Variants in SIRPG observed in about 807,000 individuals in gnomAD.
SIRPG encodes the protein signal-regulatory protein gamma.
SIRPG carries 38 observed loss-of-function variants against 35.7 expected under a neutral mutation model. The observed-to-expected ratio is 1.06, with a 90% CI of 0.82 to 1.40. The LOEUF (loss-of-function observed/expected upper bound fraction) is 1.40, where lower values mean the gene tolerates loss of function less well. SIRPG is among the 40% of genes most tolerant of loss of function. The pLI, the probability that SIRPG is intolerant of heterozygous loss-of-function variation, is 0.00. For missense variants in SIRPG, 519 were observed against 483.0 expected (o/e 1.07, Z -0.70); for synonymous variants, 215 against 190.4 (o/e 1.13, Z -1.06).
chr20:1,636,551 A>G, intron 2 of SIRPG, 46 bp from the exon 3 acceptor site: 1 of 1,584,830 alleles, frequency 6.3e-7, no homozygotes. Flanking sequence ...TGAGATGACA[A>G]TCACTAACGA....
chr20:1,631,695 G>A (rs2091751792), intron 4 of SIRPG, among the ~76,000 whole-genome samples: 1 of 152,202 alleles, frequency 6.6e-6, no homozygotes, highest in African/African-American at 2.4e-5. Context: ...GGACCTCAGG[G>A]CTGGCAGTGA....
chr20:1,668,165 CTTTTCT>C, the SIRPG span, among the ~76,000 whole-genome samples: 12 of 102,278 alleles, frequency 1.2e-4, no homozygotes, highest in South Asian at 4.6e-4. Context: ...CTTTTCTTTT[CTTTTCT>C]TTTCTTTCTT....
chr20:1,684,592 C>T, the SIRPG span, among the ~76,000 whole-genome samples: 188 of 152,312 alleles, frequency 1.2e-3, no homozygotes, highest in Non-Finnish European at 2.3e-3. Flanking sequence ...TATACACCAG[C>T]GTTTTAACTC....
upstream of SIRPG, among the ~76,000 whole-genome samples, chr20:1,660,997 T>G (rs1038383759): frequency 6.6e-6 from 1 of 152,238 alleles, no homozygotes; most frequent in African/African-American, 2.4e-5. Flanking sequence ...ACCATCTTCA[T>G]AAGTTTGTGA....
At chr20:1,668,249 T>TTCTTTCTTTCTTTCTTTC in the SIRPG span, among the ~76,000 whole-genome samples, 1 of 90,162 alleles carries the variant, frequency 1.1e-5, no homozygotes, top group Non-Finnish European at 2.6e-5. Context: ...CTTTCTTTCT[T>TTCTTTCTTTCTTTCTTTC]TTTCTTTTTC....
chr20:1,650,204 C>A (rs1379863619), intron 1 of SIRPG, among the ~76,000 whole-genome samples: 1 of 151,740 alleles, frequency 6.6e-6, no homozygotes, highest in Non-Finnish European at 1.5e-5. Context: ...TTGCTTGCAT[C>A]CTTACATGTC....
chr20:1,666,009 C>T, the SIRPG span, among the ~76,000 whole-genome samples: 1 of 152,022 alleles, frequency 6.6e-6, no homozygotes, highest in Non-Finnish European at 1.5e-5. Context: ...CCCCTGAAGG[C>T]CTTCCAGTGG....
chr20:1,639,341 T>G (rs566578386), intron 2 of SIRPG, among the ~76,000 whole-genome samples: 6 of 152,182 alleles, frequency 3.9e-5, no homozygotes, highest in Admixed American at 2.0e-4. Flanking sequence ...TATCTCATTG[T>G]GGTTTTGATT....
chr20:1,661,998 G>A (rs2091997247), upstream of SIRPG, among the ~76,000 whole-genome samples: 1 of 152,320 alleles, frequency 6.6e-6, no homozygotes, highest in South Asian at 2.1e-4. Flanking sequence ...AGGGCTTGTG[G>A]CTGTAGCAGC....
the SIRPG span, among the ~76,000 whole-genome samples, chr20:1,663,259 G>A: frequency 2.0e-5 from 3 of 152,186 alleles, no homozygotes; most frequent in African/African-American, 7.2e-5. Context: ...CTTGCAGTCA[G>A]CCGAGATCGT....
At chr20:1,649,799 G>C (rs2091927021) in intron 1 of SIRPG, among the ~76,000 whole-genome samples, 2 of 149,716 alleles carry the variant, frequency 1.3e-5, no homozygotes, top group African/African-American at 2.5e-5. Flanking sequence ...ACCATGCCAG[G>C]TTAAGCTTTG....
At chr20:1,671,268 G>T in the SIRPG span, 1 of 188,832 alleles carries the variant, frequency 5.3e-6, no homozygotes, top group Non-Finnish European at 1.2e-5. Context: ...TGTGTGACAT[G>T]TTAAGAACCT....
chr20:1,643,766 T>A (rs2091874928), intron 2 of SIRPG, among the ~76,000 whole-genome samples: 1 of 152,320 alleles, frequency 6.6e-6, no homozygotes, highest in Non-Finnish European at 1.5e-5. Flanking sequence ...GTGGGGACTT[T>A]TTTTGTTGAT....
At chr20:1,654,901 A>G (rs2122576621) in intron 1 of SIRPG, among the ~76,000 whole-genome samples, 2 of 152,342 alleles carry the variant, frequency 1.3e-5, no homozygotes, top group South Asian at 4.1e-4. Context: ...AGAAGAAGAC[A>G]TTAAGATGGC....
the SIRPG span, among the ~76,000 whole-genome samples, chr20:1,675,789 C>T: frequency 3.9e-5 from 6 of 152,278 alleles, no homozygotes; most frequent in East Asian, 1.2e-3. Flanking sequence ...ATTTTATTTT[C>T]ACAATGAAAA....
chr20:1,655,918 A>ATATATATGTG (rs2091972563), intron 1 of SIRPG, among the ~76,000 whole-genome samples: 1 of 152,198 alleles, frequency 6.6e-6, no homozygotes, highest in African/African-American at 2.4e-5. Flanking sequence ...GCACATGTGC[A>ATATATATGTG]TATATATGTG....
intron 1 of SIRPG, among the ~76,000 whole-genome samples, chr20:1,654,511 G>T (rs918432750): frequency 9.2e-5 from 14 of 152,086 alleles, no homozygotes; most frequent in Non-Finnish European, 7.4e-5. Context: ...ATGAAATTAG[G>T]CCTTCTTCTC....
intron 2 of SIRPG, among the ~76,000 whole-genome samples, chr20:1,642,731 T>G (rs2091863467): frequency 6.6e-6 from 1 of 152,188 alleles, no homozygotes. Context: ...CCACATTTAG[T>G]ACTTCTTTCA....
At chr20:1,662,566 A>G (rs966982850), upstream of SIRPG, among the ~76,000 whole-genome samples, 2 of 152,228 alleles carry the variant, frequency 1.3e-5, no homozygotes, top group Non-Finnish European at 2.9e-5. Context: ...TTAACTCTCA[A>G]TGTTTCTAAT....
Sources: gnomAD v4.1 joint callset for allele counts (sites outside exome capture counted in the v4.1 genomes callset) on GRCh38, gnomAD v4.1.1 for gene constraint, MANE v1.5 for transcripts, NCBI Gene and HGNC (gene_info 2026-07-23, HGNC 2026-07-21) for gene names.